The following CAMK4 variants were observed in gnomAD, a reference collection of about 807,000 sequenced individuals.
CAMK4 encodes the protein calcium/calmodulin-dependent protein kinase type IV.
In CAMK4, 22 loss-of-function variants were observed where a neutral mutation model predicts 44.9. The observed-to-expected ratio is 0.49, with a 90% CI of 0.35 to 0.70. The LOEUF is 0.70. Ranked by LOEUF, CAMK4 falls within the 30% of genes least tolerant of loss-of-function variation. The pLI is 0.01. For missense variants in CAMK4, 498 were observed against 586.8 expected, an observed-to-expected ratio of 0.85 and a Z score of 1.56; for synonymous variants, 218 against 215.4, an observed-to-expected ratio of 1.01 and a Z score of -0.11.
At chr5:111,225,933 T>TTA (rs975602231) in intron 1 of CAMK4, among the ~76,000 whole-genome samples, 1 of 152,198 alleles carries the variant, frequency 6.6e-6, no homozygotes, top group African/African-American at 2.4e-5. Context: ...TGAAGATCTA[T>TTA]TATATATATA....
At chr5:111,366,582 T>G (rs1466609722) in intron 2 of CAMK4, among the ~76,000 whole-genome samples, 1 of 152,160 alleles carries the variant, frequency 6.6e-6, no homozygotes, top group African/African-American at 2.4e-5. Context: ...ATGTTTTTAA[T>G]TATTTCTCTT....
At chr5:111,313,727 T>G (rs909552177) in intron 1 of CAMK4, among the ~76,000 whole-genome samples, 1 of 152,152 alleles carries the variant, frequency 6.6e-6, no homozygotes, top group Admixed American at 6.6e-5. Flanking sequence ...TTTTTTCATT[T>G]TAATTGTCAA....
rs908750403 is a variant in CAMK4 at position 111,493,358 on chromosome 5, T to C, written c.*8892T>C. ...TCCACTGACAAAACAGAGTAAATGA[T>C]AGTATGACAGATAATTTCAAGTTTT... is the stretch of plus-strand genomic sequence containing the variant. On this transcript the variant is annotated 3_prime_UTR_variant, in exon 11 of 11. Coordinates refer to ENST00000282356, the MANE Select transcript of CAMK4 (RefSeq NM_001744.6). The surrounding 1 kb of genome is among the most constrained non-coding windows in gnomAD (Gnocchi z 4.1). The C allele has an allele frequency of 6.6e-6, 1 of 152,158 alleles. No homozygotes were observed. The highest frequency in any genetic ancestry group is 1.5e-5 in the Non-Finnish European group (1 of 68,030). The allele number at this position is 152,158 out of a possible 1,614,324, so 9.4% of individuals were successfully genotyped here. A position where few individuals can be genotyped will look rare whatever the true frequency, so the allele number is the denominator to read the frequency against.
At chr5:111,377,999 C>G (rs1751278222) in intron 4 of CAMK4, among the ~76,000 whole-genome samples, 2 of 152,064 alleles carry the variant, frequency 1.3e-5, no homozygotes, top group Admixed American at 1.3e-4. Context: ...AGGAACACTC[C>G]TTCACTTTTG....
At chr5:111,278,682 A>G (rs564422814) in intron 1 of CAMK4, among the ~76,000 whole-genome samples, 19 of 152,284 alleles carry the variant, frequency 1.2e-4, no homozygotes, top group African/African-American at 3.6e-4. Flanking sequence ...TTATTTGGCA[A>G]TTGAGTCTGT....
chr5:111,312,576 C>A (rs1402693896), intron 1 of CAMK4, among the ~76,000 whole-genome samples: 1 of 151,986 alleles, frequency 6.6e-6, no homozygotes, highest in Non-Finnish European at 1.5e-5. Context: ...TAGAGTCTTC[C>A]TTGACTTCTT....
chr5:111,353,060 G>T (rs75763998), intron 2 of CAMK4, among the ~76,000 whole-genome samples: 1,661 of 152,028 alleles, frequency 0.011, 38 homozygotes, highest in African/African-American at 0.039. Flanking sequence ...CAGTGATAAG[G>T]GTAGGTGCGG....
chr5:111,374,791 C>A, intron 2 of CAMK4, 59 bp from the exon 3 acceptor site: 3 of 1,059,584 alleles, frequency 2.8e-6, no homozygotes, highest in Non-Finnish European at 4.4e-6. Flanking sequence ...GTTTCTATTT[C>A]TCTGCTACAA....
At chr5:111,320,533 A>C (rs1033621183) in intron 1 of CAMK4, among the ~76,000 whole-genome samples, 1 of 151,904 alleles carries the variant, frequency 6.6e-6, no homozygotes, top group African/African-American at 2.4e-5. Flanking sequence ...TTTGAGATGG[A>C]GTTTCGCTCG....
At chr5:111,269,310 C>T (rs1750399704) in intron 1 of CAMK4, among the ~76,000 whole-genome samples, 1 of 152,172 alleles carries the variant, frequency 6.6e-6, no homozygotes, top group Admixed American at 6.5e-5. Flanking sequence ...CTTCTAACTT[C>T]AGTAACCTAT....
chr5:111,359,005 A>G (rs1177713279), intron 2 of CAMK4, among the ~76,000 whole-genome samples: 3 of 152,114 alleles, frequency 2.0e-5, no homozygotes, highest in Non-Finnish European at 4.4e-5. Flanking sequence ...AATTCTATGT[A>G]TTAGCTAGTG....
At chr5:111,317,307 T>C (rs2112684849) in intron 1 of CAMK4, among the ~76,000 whole-genome samples, 1 of 152,278 alleles carries the variant, frequency 6.6e-6, no homozygotes, top group Admixed American at 6.5e-5. Context: ...GGCAACCATT[T>C]GTTCCTAGTT....
chr5:111,465,938 A>G lies in CAMK4; in HGVS notation c.626-7373A>G, dbSNP rs567385607. On this transcript the variant is annotated intron_variant, in intron 7 of 10. Coordinates refer to ENST00000282356, the MANE Select transcript of CAMK4 (RefSeq NM_001744.6). ...TCAATATTCCTGATGAATATAGAAGAAAACATCCTTAACAAAATACCAGCT... is the reference window on the plus strand; with the variant it reads ...TCAATATTCCTGATGAATATAGAAGGAAACATCCTTAACAAAATACCAGCT... Among the ~76,000 whole-genome samples the G allele has an allele frequency of 2.0e-5, 3 of 152,296 alleles. No individual in the cohort carries two copies. In the South Asian group the frequency reaches 6.2e-4, roughly 32 times the overall value.
intron 1 of CAMK4, among the ~76,000 whole-genome samples, chr5:111,244,499 C>A (rs1218394712): frequency 6.6e-6 from 1 of 152,152 alleles, no homozygotes; most frequent in Non-Finnish European, 1.5e-5. Context: ...CTTTGTCATA[C>A]CTCTTTGAAG....
chr5:111,428,240 G>C (rs1050802307), intron 5 of CAMK4, among the ~76,000 whole-genome samples: 1 of 152,210 alleles, frequency 6.6e-6, no homozygotes, highest in South Asian at 2.1e-4. Flanking sequence ...TCAAATATCT[G>C]AAAAGATTCC....
At chr5:111,439,363 C>A (rs546577018) in intron 5 of CAMK4, among the ~76,000 whole-genome samples, 8 of 152,040 alleles carry the variant, frequency 5.3e-5, no homozygotes, top group Non-Finnish European at 7.4e-5. Context: ...AGTGGCCTGG[C>A]TGGAGGCAAG....
intron 1 of CAMK4, among the ~76,000 whole-genome samples, chr5:111,249,658 G>GTATA (rs377078281): frequency 0.025 from 2,459 of 97,716 alleles, 59 homozygotes; most frequent in South Asian, 0.078. Flanking sequence ...GTGTGTGTGT[G>GTATA]TATATATATG....
At chr5:111,275,300 C>T (rs1221631326) in intron 1 of CAMK4, among the ~76,000 whole-genome samples, 1 of 152,044 alleles carries the variant, frequency 6.6e-6, no homozygotes, top group East Asian at 1.9e-4. Context: ...GAGAACAAGA[C>T]CAGAATCTTA....
At chr5:111,251,446 A>T (rs1176679837) in intron 1 of CAMK4, among the ~76,000 whole-genome samples, 1 of 152,128 alleles carries the variant, frequency 6.6e-6, no homozygotes, top group Non-Finnish European at 1.5e-5. Context: ...ACCTAAAAAA[A>T]CTCCAAGACA....
Sources: allele counts gnomAD v4.1 joint callset (sites outside exome capture counted in the v4.1 genomes callset), GRCh38; gene constraint gnomAD v4.1.1; non-coding constraint Gnocchi (gnomAD v3.1); transcripts MANE v1.5; gene names NCBI Gene and HGNC (gene_info 2026-07-23, HGNC 2026-07-21).